KCNQ3: variants seen among roughly 807,000 people sequenced by gnomAD.
KCNQ3 encodes potassium voltage-gated channel subfamily Q member 3, also known as potassium voltage-gated channel subfamily KQT member 3.
KCNQ3 carries 30 observed loss-of-function variants against 92.5 expected under a neutral mutation model. The observed-to-expected ratio is 0.32, with a 90% CI of 0.24 to 0.44. KCNQ3 has a LOEUF of 0.44. Ranked by LOEUF, KCNQ3 falls within the 20% of genes least tolerant of loss-of-function variation. The pLI, the probability that KCNQ3 is intolerant of heterozygous loss-of-function variation, is 1.00. For synonymous variants in KCNQ3, 450 were observed against 468.8 expected (o/e 0.96, Z 0.52); for missense variants, 913 against 1,140.3 (o/e 0.80, Z 2.87).
intron 1 of KCNQ3, among the ~76,000 whole-genome samples, chr8:132,478,989 G>A (rs1000114395): frequency 1.3e-5 from 2 of 151,444 alleles, no homozygotes; most frequent in East Asian, 3.9e-4. Flanking sequence ...GGGAGGGGGG[G>A]TTGCCAAGGT....
intron 1 of KCNQ3, among the ~76,000 whole-genome samples, chr8:132,246,975 A>C (rs952254253): frequency 2.0e-5 from 3 of 152,212 alleles, no homozygotes; most frequent in African/African-American, 7.2e-5. Context: ...AGTACTTGCC[A>C]ATAGCCACTG....
intron 9 of KCNQ3, among the ~76,000 whole-genome samples, chr8:132,152,424 C>T (rs1319058478): frequency 6.6e-6 from 1 of 152,178 alleles, no homozygotes; most frequent in Non-Finnish European, 1.5e-5. Context: ...TTTCTGTCTG[C>T]CTGCTTGTCC....
At chr8:132,197,696 C>T (rs545174340) in intron 1 of KCNQ3, among the ~76,000 whole-genome samples, 2 of 152,156 alleles carry the variant, frequency 1.3e-5, no homozygotes, top group African/African-American at 2.4e-5. Context: ...TCATTTGTGG[C>T]GTGTATTCTA....
At chr8:132,436,861 G>T (rs1821407144) in intron 1 of KCNQ3, among the ~76,000 whole-genome samples, 1 of 152,150 alleles carries the variant, frequency 6.6e-6, no homozygotes, top group South Asian at 2.1e-4. Context: ...CCTTTTGGGG[G>T]TCGCAGATTT....
chr8:132,154,215 T>TGTTTTTTTTTTTTTTTTTTG (rs1825735921), intron 9 of KCNQ3, among the ~76,000 whole-genome samples: 2 of 143,200 alleles, frequency 1.4e-5, no homozygotes, highest in African/African-American at 2.6e-5. Flanking sequence ...TTTTTTTTTT[T>TGTTTTTTTTTTTTTTTTTTG]TTTTTTTTAG....
At chr8:132,417,847 A>G (rs1820860094) in intron 1 of KCNQ3, among the ~76,000 whole-genome samples, 1 of 152,212 alleles carries the variant, frequency 6.6e-6, no homozygotes, top group Non-Finnish European at 1.5e-5. Flanking sequence ...TCTGTGGACA[A>G]CAACAGGAAA....
chr8:132,221,143 A>G (rs758736126), intron 1 of KCNQ3, among the ~76,000 whole-genome samples: 13 of 152,218 alleles, frequency 8.5e-5, no homozygotes, highest in Admixed American at 7.2e-4. Context: ...AAAGGACATG[A>G]ACTCATCCTT....
chr8:132,343,292 G>A (rs956076287), intron 1 of KCNQ3, among the ~76,000 whole-genome samples: 29 of 152,176 alleles, frequency 1.9e-4, no homozygotes, highest in Non-Finnish European at 3.4e-4. Flanking sequence ...CCAGGCACAT[G>A]GAAGACACAT....
At chr8:132,466,876 C>T (rs1204496689) in intron 1 of KCNQ3, among the ~76,000 whole-genome samples, 7 of 152,212 alleles carry the variant, frequency 4.6e-5, no homozygotes, top group Non-Finnish European at 8.8e-5. Flanking sequence ...TGGGGAAAAA[C>T]GTCTCTAAAG....
intron 8 of KCNQ3, among the ~76,000 whole-genome samples, chr8:132,167,738 A>G (rs1018506097): frequency 6.6e-6 from 1 of 152,268 alleles, no homozygotes; most frequent in East Asian, 1.9e-4. Context: ...AGCTGTCTGC[A>G]GCACAATGTA....
intron 1 of KCNQ3, among the ~76,000 whole-genome samples, chr8:132,329,268 C>G (rs1168194545): frequency 6.6e-6 from 1 of 152,146 alleles, no homozygotes; most frequent in East Asian, 1.9e-4. Flanking sequence ...GTGAGGCACC[C>G]CCAAGTGCTG....
At chr8:132,136,143 A>AG (rs1825081527) in intron 12 of KCNQ3, among the ~76,000 whole-genome samples, 1 of 149,640 alleles carries the variant, frequency 6.7e-6, no homozygotes, top group African/African-American at 2.5e-5. Flanking sequence ...AAAAAAAAAA[A>AG]AAAGAAAAGA....
At chr8:132,255,860 C>T (rs1430713410) in intron 1 of KCNQ3, among the ~76,000 whole-genome samples, 11 of 152,258 alleles carry the variant, frequency 7.2e-5, no homozygotes, top group East Asian at 1.9e-4. Flanking sequence ...ACATAAACAA[C>T]GAACCCTGGG....
At chr8:132,403,931 G>A (rs1049930022) in intron 1 of KCNQ3, among the ~76,000 whole-genome samples, 2 of 152,158 alleles carry the variant, frequency 1.3e-5, no homozygotes, top group East Asian at 3.9e-4. Context: ...CTCACCAAGG[G>A]GCCAGAGCCA....
intron 1 of KCNQ3, among the ~76,000 whole-genome samples, chr8:132,308,635 C>T (rs976408946): frequency 2.0e-5 from 3 of 152,180 alleles, no homozygotes; most frequent in African/African-American, 7.2e-5. Context: ...TTATTATTAC[C>T]ATCAAGGGGA....
rs1300262713 is a variant in KCNQ3 at position 132,184,663 on chromosome 8, G to A, written c.478-296C>T. ...TCTATGTTTTTGTTCCAATAGGTCA[G>A]CTTTAAAAGTCCCTTTAATGAATGA... On this transcript the variant is annotated intron_variant, in intron 2 of 14. Transcript: ENST00000388996. 2.6e-5 allele frequency among the ~76,000 whole-genome samples: 4 copies of A among 152,270 alleles called. No individual in the cohort carries two copies. In the East Asian group the frequency reaches 7.7e-4, roughly 29 times the overall value.
At chr8:132,401,970 G>A (rs202201226) in intron 1 of KCNQ3, among the ~76,000 whole-genome samples, 3 of 151,586 alleles carry the variant, frequency 2.0e-5, no homozygotes, top group South Asian at 2.1e-4. Context: ...TGGTGCAGTC[G>A]GGCAGTTGCT....
At position 132,121,122 on chromosome 8, in the gene KCNQ3, A is replaced by G. The variant is rs1261798962; in HGVS notation, c.*8140T>C. 6.6e-6 allele frequency: 1 copy of G among 152,228 alleles called. No individual in the cohort carries two copies. Among genetic ancestry groups the G allele is most frequent in the Non-Finnish European group, 1.5e-5 (1 of 68,048 alleles). 9.4% of individuals were successfully genotyped at this position (152,228 alleles called of 1,614,324 possible). ...TGTGAAGAAAGCCTACTCGTAGCAC[A>G]GAGACAAACCCAGGGAGCAAGGCAC... On this transcript the variant is annotated 3_prime_UTR_variant, in exon 15 of 15. Coordinates refer to ENST00000388996, the MANE Select transcript of KCNQ3 (RefSeq NM_004519.4).
intron 9 of KCNQ3, among the ~76,000 whole-genome samples, chr8:132,160,350 G>C (rs1425963292): frequency 2.0e-5 from 3 of 152,020 alleles, no homozygotes; most frequent in Non-Finnish European, 4.4e-5. Context: ...CATCTTCAGT[G>C]TTTGACTTAG....
Sources: allele counts gnomAD v4.1 joint callset (sites outside exome capture counted in the v4.1 genomes callset), GRCh38; gene constraint gnomAD v4.1.1; transcripts MANE v1.5; gene names NCBI Gene and HGNC (gene_info 2026-07-23, HGNC 2026-07-21).